Variants in ITPK1 observed in about 807,000 individuals in gnomAD.
ITPK1 encodes inositol-tetrakisphosphate 1-kinase.
In ITPK1, 21 loss-of-function variants were observed where a neutral mutation model predicts 45.3. That is an observed-to-expected ratio of 0.46 (90% CI 0.33 to 0.67). The LOEUF is 0.67. ITPK1 is among the 30% of genes least tolerant of loss of function. ITPK1 has a pLI of 0.02. For synonymous variants in ITPK1, 258 were observed against 253.6 expected (o/e 1.02, Z -0.16); for missense variants, 474 against 573.5 (o/e 0.83, Z 1.77).
In ITPK1 at chr14:93,006,919, C is replaced by T. The variant is rs535052419; in HGVS notation, c.246+9757G>A. Among the ~76,000 whole-genome samples the T allele has an allele frequency of 1.1e-4, 17 of 152,340 alleles. No homozygotes were observed. The South Asian group carries it at 2.3e-3, about 20-fold the overall frequency. ...ATGAGCTTTCTCCACCTTCTGTCAGCGGGAGGCAGGCAAGGTGCCCAGCCA... is the reference window on the plus strand; with the variant it reads ...ATGAGCTTTCTCCACCTTCTGTCAGTGGGAGGCAGGCAAGGTGCCCAGCCA... On this transcript the variant is annotated intron_variant, in intron 4 of 10. Transcript: ENST00000267615.
At chr14:93,078,790 C>T (rs1356687392) in intron 2 of ITPK1, among the ~76,000 whole-genome samples, 1 of 152,162 alleles carries the variant, frequency 6.6e-6, no homozygotes, top group Non-Finnish European at 1.5e-5. Flanking sequence ...TGCCCCTCCC[C>T]CCGCAGGGAC....
At chr14:93,068,095 T>G (rs1265752914) in intron 3 of ITPK1, 1 of 153,128 alleles carries the variant, frequency 6.5e-6, no homozygotes, top group African/African-American at 2.4e-5. Context: ...TTTTCCCCAC[T>G]GAAATGCCAC....
chr14:93,010,626 T>C (rs1379219729), intron 4 of ITPK1, among the ~76,000 whole-genome samples: 1 of 152,236 alleles, frequency 6.6e-6, no homozygotes, highest in Non-Finnish European at 1.5e-5. Flanking sequence ...GGGGACACTT[T>C]CATAATCACT....
intron 2 of ITPK1, among the ~76,000 whole-genome samples, chr14:93,082,399 G>A (rs377488540): frequency 1.6e-4 from 24 of 152,262 alleles, no homozygotes; most frequent in East Asian, 7.7e-4. Context: ...AGGCAGGAGC[G>A]GAAGAGGTGG....
intron 5 of ITPK1, 97 bp from the exon 6 acceptor site, chr14:92,962,946 C>G: frequency 1.4e-6 from 1 of 712,466 alleles, no homozygotes; most frequent in Non-Finnish European, 2.4e-6. Flanking sequence ...GCCTTCAGTG[C>G]CCCCACGCTC....
chr14:93,001,300 C>T (rs200414351), intron 4 of ITPK1, among the ~76,000 whole-genome samples: 1 of 51,176 alleles, frequency 2.0e-5, no homozygotes, highest in South Asian at 4.4e-4. Flanking sequence ...TCAGGAAAAA[C>T]AAACAAACAA....
intron 2 of ITPK1, among the ~76,000 whole-genome samples, chr14:93,084,646 G>A (rs181117426): frequency 2.6e-5 from 4 of 152,298 alleles, no homozygotes; most frequent in Admixed American, 2.6e-4. Flanking sequence ...CACAGCTTGT[G>A]CCCTGTGTCC....
At chr14:93,087,643 G>A (rs1891700827) in intron 2 of ITPK1, among the ~76,000 whole-genome samples, 2 of 152,222 alleles carry the variant, frequency 1.3e-5, no homozygotes, top group Admixed American at 6.5e-5. Context: ...GGGAGTGGCA[G>A]GGGCCTTACT....
Position 92,941,627 on chromosome 14 carries a change from G to T in ITPK1, c.1179C>A (p.Ala393=), listed in dbSNP as rs903889402. ...KLPHQRLGCN[A]GVSPSFQQHC... Reference sequence around the variant, plus strand: ...GCTGCTGGAAGCTGGGCGACACGCCGGCGTTGCAGCCGAGTCTCTGGTGCG... The same window carrying T: ...GCTGCTGGAAGCTGGGCGACACGCCTGCGTTGCAGCCGAGTCTCTGGTGCG... The change falls in exon 11 of 11, where the codon GCC becomes GCA. Residue 393 remains alanine, a synonymous_variant. Transcript: ENST00000267615. 3 of 1,538,800 alleles carry T rather than the reference G, an allele frequency of 1.9e-6. No homozygotes were observed. The Admixed American group carries it at 6.0e-5, about 31-fold the overall frequency.
chr14:93,051,060 C>T (rs1889984385), intron 3 of ITPK1, among the ~76,000 whole-genome samples: 2 of 152,146 alleles, frequency 1.3e-5, no homozygotes. Flanking sequence ...CCTGCCTGGG[C>T]ACTCAGAAGG....
chr14:92,976,223 T>C (rs1361174790), intron 5 of ITPK1, among the ~76,000 whole-genome samples: 7 of 152,206 alleles, frequency 4.6e-5, no homozygotes, highest in South Asian at 4.1e-4. Flanking sequence ...AGATAGCAGA[T>C]TGTGGGACTT....
At position 92,941,574 on chromosome 14, in the gene ITPK1, G is replaced by A. The variant is rs1199559930; in HGVS notation, c.1232C>T (p.Ala411Val). ...QHCVASLATKASSQ is the reference protein window; with the variant it reads ...QHCVASLATKVSSQ Reference sequence around the variant, plus strand: ...CCGGCTCCGTGGCTACTGGGAGGAGGCCTTGGTGGCCAGGGAGGCCACACA... The same window carrying A: ...CCGGCTCCGTGGCTACTGGGAGGAGACCTTGGTGGCCAGGGAGGCCACACA... The change falls in exon 11 of 11, where the codon GCC becomes GTC. Residue 411 changes from alanine (A) to valine (V), a missense_variant. Coordinates refer to ENST00000267615, the MANE Select transcript of ITPK1 (RefSeq NM_014216.6). 2 of 1,535,854 alleles carry A rather than the reference G, an allele frequency of 1.3e-6. No homozygotes were observed. The highest frequency in any genetic ancestry group is 1.7e-6 in the Non-Finnish European group (2 of 1,144,026).
chr14:92,958,043 T>C lies in ITPK1; in HGVS notation c.670+158A>G, dbSNP rs1884838745. ...TTTTACTAGTTCCCCAAGACCTCTT[T>C]ATCCACCGTACACAACTGTTTCCAC... On this transcript the variant is annotated intron_variant, in intron 8 of 10. Transcript: ENST00000267615. This position sits in a 1 kb window ranked among gnomAD's most constrained non-coding sequence, Gnocchi z 4.4. 6.6e-6 allele frequency among the ~76,000 whole-genome samples: 1 copy of C among 152,096 alleles called. No homozygotes were observed. Among genetic ancestry groups the C allele is most frequent in the Admixed American group, 6.5e-5 (1 of 15,276 alleles).
chr14:93,045,010 C>G (rs575027957), intron 3 of ITPK1, among the ~76,000 whole-genome samples: 1 of 152,340 alleles, frequency 6.6e-6, no homozygotes, highest in South Asian at 2.1e-4. Context: ...CATTTAAGGT[C>G]TCCCTCCTGT....
At chr14:93,098,128 GACCAACATGGTGAA>G (rs1306765288) in intron 2 of ITPK1, among the ~76,000 whole-genome samples, 2 of 152,084 alleles carry the variant, frequency 1.3e-5, no homozygotes. Flanking sequence ...AGACCAGCCT[GACCAACATGGTGAA>G]ACCCTGTCTC....
chr14:93,059,243 T>A (rs1467047480), intron 3 of ITPK1, among the ~76,000 whole-genome samples: 3 of 30,108 alleles, frequency 1.0e-4, no homozygotes, highest in African/African-American at 1.7e-4. Flanking sequence ...TGTGTGGGTC[T>A]CGAGGCGGGG....
intron 5 of ITPK1, among the ~76,000 whole-genome samples, chr14:92,970,596 C>T (rs1236482018): frequency 6.6e-6 from 1 of 151,884 alleles, no homozygotes. Context: ...TAGAGCAGGG[C>T]ACTGGGGACA....
At chr14:93,049,321 C>T (rs1253755182) in intron 3 of ITPK1, among the ~76,000 whole-genome samples, 1 of 152,114 alleles carries the variant, frequency 6.6e-6, no homozygotes, top group African/African-American at 2.4e-5. Flanking sequence ...TGCGAGGAGC[C>T]CACAGGTAAA....
At chr14:93,026,195 T>C (rs1888721059) in intron 3 of ITPK1, among the ~76,000 whole-genome samples, 1 of 152,244 alleles carries the variant, frequency 6.6e-6, no homozygotes, top group Non-Finnish European at 1.5e-5. Context: ...GGTTTGATCA[T>C]GAATCCTCTT....
Sources: allele counts gnomAD v4.1 joint callset (sites outside exome capture counted in the v4.1 genomes callset), GRCh38; gene constraint gnomAD v4.1.1; non-coding constraint Gnocchi (gnomAD v3.1); transcripts MANE v1.5; gene names NCBI Gene and HGNC (gene_info 2026-07-23, HGNC 2026-07-21).